The following DYTN variants were observed in gnomAD, a reference collection of about 807,000 sequenced individuals.
DYTN encodes the protein dystrotelin.
Under a neutral mutation model 69.6 loss-of-function variants are expected in DYTN, and 75 were observed. The observed-to-expected ratio is 1.08, with a 90% CI of 0.89 to 1.31. The LOEUF (loss-of-function observed/expected upper bound fraction) is 1.31. Ranked by LOEUF, DYTN falls within the 50% of genes most tolerant of loss-of-function variation. The pLI is 0.00. For missense variants in DYTN, 726 were observed against 688.4 expected (o/e 1.05, Z -0.61); for synonymous variants, 252 against 249.1 (o/e 1.01, Z -0.11).
At chr2:206,696,159 T>C (rs1009109248) in intron 7 of DYTN, among the ~76,000 whole-genome samples, 5 of 152,128 alleles carry the variant, frequency 3.3e-5, no homozygotes, top group African/African-American at 1.2e-4. Context: ...ATGCTATACA[T>C]GGAAGGCTGG....
intron 7 of DYTN, 33 bp downstream of exon 7, chr2:206,699,694 T>A: frequency 6.3e-7 from 1 of 1,599,136 alleles, no homozygotes; most frequent in South Asian, 1.1e-5. Context: ...ATATGGAGAA[T>A]GATAATCCAA....
intron 9 of DYTN, among the ~76,000 whole-genome samples, chr2:206,690,911 G>T (rs1376089566): frequency 2.0e-5 from 3 of 152,184 alleles, no homozygotes; most frequent in Non-Finnish European, 2.9e-5. Flanking sequence ...AAGCTGGAGA[G>T]ATTAAGATGG....
At position 206,687,607 on chromosome 2, in the gene DYTN, G is replaced by T. The variant is rs549589578; in HGVS notation, c.980+5568C>A. Among the ~76,000 whole-genome samples, 7 of 151,750 alleles carry T rather than the reference G, an allele frequency of 4.6e-5. No individual in the cohort carries two copies. The South Asian group carries it at 6.3e-4, about 14-fold the overall frequency. On this transcript the variant is annotated intron_variant, in intron 9 of 11. Transcript: ENST00000452335. ...TTTTGTTTTTCTTTCTTCCTTAGGA[G>T]ATGTTCTTTTTTCTAATATTTATTT... is the stretch of plus-strand genomic sequence containing the variant.
intron 9 of DYTN, among the ~76,000 whole-genome samples, chr2:206,685,294 G>A (rs541198956): frequency 3.3e-5 from 5 of 151,590 alleles, no homozygotes; most frequent in African/African-American, 7.3e-5. Flanking sequence ...CCTGAATAGC[G>A]GGAACCACAG....
chr2:206,678,599 A>G (rs775692790), intron 9 of DYTN, among the ~76,000 whole-genome samples: 2 of 152,252 alleles, frequency 1.3e-5, no homozygotes, highest in Non-Finnish European at 2.9e-5. Context: ...AATAAAAATT[A>G]TATAACCATT....
chr2:206,664,482 C>A (rs1011327060), intron 10 of DYTN, among the ~76,000 whole-genome samples: 6 of 151,900 alleles, frequency 3.9e-5, no homozygotes, highest in African/African-American at 4.8e-5. Flanking sequence ...CATAGTGAGA[C>A]CCCCTCCCTA....
At chr2:206,660,583 G>C (rs1312445918) in intron 11 of DYTN, among the ~76,000 whole-genome samples, 1 of 152,128 alleles carries the variant, frequency 6.6e-6, no homozygotes, top group East Asian at 1.9e-4. Flanking sequence ...TTCCTAAAAA[G>C]GTCAAGTGGA....
rs548611985 is a variant in DYTN at position 206,685,773 on chromosome 2, A to AT, written c.980+7401dup. On this transcript the variant is annotated intron_variant, in intron 9 of 11. Transcript: ENST00000452335. ...CCTATAACAAAAGGAGCAAACATTC[A>AT]TTTTTTCCCCTTACATAACTTTGCA... 1.1e-4 allele frequency among the ~76,000 whole-genome samples: 16 copies of AT among 151,926 alleles called. No homozygotes were observed. The East Asian group carries it at 2.9e-3, about 28-fold the overall frequency.
intron 9 of DYTN, among the ~76,000 whole-genome samples, chr2:206,682,741 T>C (rs1319084903): frequency 6.6e-6 from 1 of 152,110 alleles, no homozygotes; most frequent in Non-Finnish European, 1.5e-5. Context: ...CCTGTGGACA[T>C]CTCAGAGACT....
At chr2:206,667,088 T>TATG (rs1699581482) in intron 9 of DYTN, among the ~76,000 whole-genome samples, 1 of 152,130 alleles carries the variant, frequency 6.6e-6, no homozygotes, top group East Asian at 1.9e-4. Flanking sequence ...AGGGCAATTC[T>TATG]TTAAAACAAA....
At chr2:206,678,126 A>T (rs1699710314) in intron 9 of DYTN, among the ~76,000 whole-genome samples, 1 of 152,234 alleles carries the variant, frequency 6.6e-6, no homozygotes, top group South Asian at 2.1e-4. Flanking sequence ...ATACATTGGT[A>T]AATCAAACTG....
At chr2:206,681,227 T>C (rs1256702733) in intron 9 of DYTN, among the ~76,000 whole-genome samples, 1 of 152,216 alleles carries the variant, frequency 6.6e-6, no homozygotes, top group Non-Finnish European at 1.5e-5. Flanking sequence ...TGATTTTGCA[T>C]CATGAGACTT....
At chr2:206,685,751 A>G (rs1699798889) in intron 9 of DYTN, among the ~76,000 whole-genome samples, 1 of 152,050 alleles carries the variant, frequency 6.6e-6, no homozygotes, top group Admixed American at 6.5e-5. Flanking sequence ...AACCCTCCCT[A>G]TAACAAAAGG....
At chr2:206,717,070 A>ACACACACG (rs1324706477) in intron 1 of DYTN, among the ~76,000 whole-genome samples, 1 of 151,792 alleles carries the variant, frequency 6.6e-6, no homozygotes, top group African/African-American at 2.4e-5. Flanking sequence ...ACACACACAC[A>ACACACACG]CACACACAAA....
chr2:206,660,570 A>G (rs568548444), intron 11 of DYTN, among the ~76,000 whole-genome samples: 6 of 152,188 alleles, frequency 3.9e-5, no homozygotes, highest in South Asian at 2.1e-4. Context: ...TTTTGGTGAA[A>G]TTTTCCTAAA....
intron 8 of DYTN, among the ~76,000 whole-genome samples, chr2:206,693,553 A>C (rs1699887565): frequency 6.6e-6 from 1 of 152,142 alleles, no homozygotes; most frequent in Non-Finnish European, 1.5e-5. Context: ...CCTCTTCCTT[A>C]GAGTAACCCC....
intron 9 of DYTN, chr2:206,670,498 C>G (rs1158848757): frequency 1.3e-5 from 2 of 152,080 alleles, no homozygotes; most frequent in Non-Finnish European, 2.9e-5. Flanking sequence ...TATCTTCTTT[C>G]TCTATGGAGA....
chr2:206,708,441 T>C (rs994622811), intron 2 of DYTN, among the ~76,000 whole-genome samples: 3 of 152,208 alleles, frequency 2.0e-5, no homozygotes, highest in South Asian at 2.1e-4. Context: ...ATCTAGCAAG[T>C]ATAATAAAAA....
chr2:206,699,944 ATTTTCTT>A, intron 6 of DYTN, 54 bp from the exon 7 acceptor site: 2 of 1,577,206 alleles, frequency 1.3e-6, no homozygotes, highest in Admixed American at 3.6e-5. Flanking sequence ...TGATATTTTC[ATTTTCTT>A]TTCTGACTCT....
Sources: allele counts gnomAD v4.1 joint callset (sites outside exome capture counted in the v4.1 genomes callset), GRCh38; gene constraint gnomAD v4.1.1; transcripts MANE v1.5; gene names NCBI Gene and HGNC (gene_info 2026-07-23, HGNC 2026-07-21).